RBFOX1: variants seen among roughly 807,000 people sequenced by gnomAD.
RBFOX1 encodes RNA binding fox-1 homolog 1, also known as RNA binding protein fox-1 homolog 1.
RBFOX1 carries 8 observed loss-of-function variants against 57.7 expected under a neutral mutation model. That is an observed-to-expected ratio of 0.14 (90% confidence interval 0.08 to 0.25). The LOEUF (loss-of-function observed/expected upper bound fraction) is 0.25, where lower values mean the gene tolerates loss of function less well. Among genes scored for constraint, RBFOX1 ranks in the 10% least tolerant of loss-of-function variants. The pLI, the probability that RBFOX1 is intolerant of heterozygous loss-of-function variation, is 1.00. For synonymous variants in RBFOX1, 326 were observed against 222.4 expected, an observed-to-expected ratio of 1.47 and a Z score of -4.15; for missense variants, 611 against 548.5, an observed-to-expected ratio of 1.11 and a Z score of -1.14.
chr16:6,042,189 C>T (rs946514187), intron 1 of RBFOX1, among the ~76,000 whole-genome samples: 17 of 152,040 alleles, frequency 1.1e-4, no homozygotes, highest in Non-Finnish European at 1.0e-4. Context: ...CAACTTCTGC[C>T]TCCCAAGTTC....
intron 3 of RBFOX1, among the ~76,000 whole-genome samples, chr16:6,880,321 A>G (rs2062678876): frequency 6.6e-6 from 1 of 152,216 alleles, no homozygotes; most frequent in South Asian, 2.1e-4. Flanking sequence ...CCAGAGAGAC[A>G]GCCTCTGTTG....
intron 3 of RBFOX1, among the ~76,000 whole-genome samples, chr16:6,857,001 G>C (rs2058034543): frequency 6.6e-6 from 1 of 152,170 alleles, no homozygotes; most frequent in South Asian, 2.1e-4. Flanking sequence ...ATAAATATTA[G>C]ACATGCTTTG....
At chr16:6,631,473 G>C (rs888608236) in intron 2 of RBFOX1, among the ~76,000 whole-genome samples, 7 of 151,926 alleles carry the variant, frequency 4.6e-5, no homozygotes, top group East Asian at 1.9e-4. Context: ...TGTGTAAAAA[G>C]CAGACATCAC....
rs114900995 is a variant in RBFOX1, at chr16:6,828,515, G to A, written c.-16+173865G>A. On this transcript the variant is annotated intron_variant, in intron 3 of 15. Transcript: ENST00000550418. ...CTCCAGCCTGGCAACAGAGCGAGACGTGTCTTTAAAAAAAAAAAAAATCAG... is the reference window on the plus strand; with the variant it reads ...CTCCAGCCTGGCAACAGAGCGAGACATGTCTTTAAAAAAAAAAAAAATCAG... 5.1e-3 allele frequency among the ~76,000 whole-genome samples: 766 copies of A among 151,038 alleles called. 8 individuals carry two copies. The highest frequency in any genetic ancestry group is 0.018 in the African/African-American group (718 of 40,988).
chr16:6,148,733 C>T (rs918497674), intron 1 of RBFOX1, among the ~76,000 whole-genome samples: 2 of 152,154 alleles, frequency 1.3e-5, no homozygotes, highest in African/African-American at 4.8e-5. Flanking sequence ...AGTTCATTTG[C>T]CATACTTCGC....
chr16:6,726,403 T>G (rs2067193817), intron 3 of RBFOX1, among the ~76,000 whole-genome samples: 1 of 151,890 alleles, frequency 6.6e-6, no homozygotes, highest in African/African-American at 2.4e-5. Context: ...TTTTCTTTTT[T>G]TTTTTTTAAC....
chr16:7,002,276 C>G (rs994243821), intron 3 of RBFOX1, among the ~76,000 whole-genome samples: 5 of 152,186 alleles, frequency 3.3e-5, no homozygotes, highest in African/African-American at 4.8e-5. Context: ...TACTTTGGAA[C>G]TTTGCAAGCA....
At chr16:6,957,041 T>G (rs1248628313) in intron 3 of RBFOX1, among the ~76,000 whole-genome samples, 2 of 150,736 alleles carry the variant, frequency 1.3e-5, no homozygotes, top group African/African-American at 5.0e-5. Context: ...ATAGGCATAT[T>G]CCATCGGCAG....
At chr16:7,455,528 A>G (rs2058321891) in intron 4 of RBFOX1, among the ~76,000 whole-genome samples, 1 of 152,110 alleles carries the variant, frequency 6.6e-6, no homozygotes, top group South Asian at 2.1e-4. Flanking sequence ...ACCGTGGCTC[A>G]TGCCTGTAAT....
chr16:6,158,189 T>C (rs1319453749), intron 1 of RBFOX1, among the ~76,000 whole-genome samples: 1 of 152,190 alleles, frequency 6.6e-6, no homozygotes, highest in East Asian at 1.9e-4. Flanking sequence ...ACAATGCTGG[T>C]CTGAAGAATG....
At chr16:7,265,724 T>G (rs1288275647) in intron 4 of RBFOX1, among the ~76,000 whole-genome samples, 1 of 152,114 alleles carries the variant, frequency 6.6e-6, no homozygotes, top group Admixed American at 6.5e-5. Flanking sequence ...GCTGGGATTA[T>G]AGGCGTGAGC....
intron 1 of RBFOX1, among the ~76,000 whole-genome samples, chr16:6,090,419 T>C (rs190851034): frequency 1.6e-4 from 24 of 152,316 alleles, no homozygotes; most frequent in South Asian, 6.2e-4. Context: ...CTTCTGAGTG[T>C]AGCAGCAAGC....
chr16:7,594,562 T>C (rs1453949310), intron 7 of RBFOX1, among the ~76,000 whole-genome samples: 3 of 152,198 alleles, frequency 2.0e-5, no homozygotes, highest in African/African-American at 7.2e-5. Context: ...ATTTTGACAA[T>C]ATAGTTTAGT....
intron 4 of RBFOX1, among the ~76,000 whole-genome samples, chr16:7,145,544 C>T (rs1004869188): frequency 6.6e-6 from 1 of 151,942 alleles, no homozygotes; most frequent in African/African-American, 2.4e-5. Context: ...TTTTCTTGCA[C>T]TTAAAGCAAG....
intron 3 of RBFOX1, among the ~76,000 whole-genome samples, chr16:5,652,194 C>T (rs1271806328): frequency 6.6e-6 from 1 of 152,142 alleles, no homozygotes. Context: ...GTTAACATAT[C>T]CTGAGAGATT....
rs144026635 is a variant in RBFOX1, at chr16:6,727,020, G to C, written c.-16+72370G>C. Reference sequence around the variant, plus strand: ...AGAGAAATAATGACATACGATGAGAGCGCCTCATGACCTTCAGGTATTTGG... The same window carrying C: ...AGAGAAATAATGACATACGATGAGACCGCCTCATGACCTTCAGGTATTTGG... On this transcript the variant is annotated intron_variant, in intron 3 of 15. Transcript: ENST00000550418. 1.4e-4 allele frequency among the ~76,000 whole-genome samples: 17 copies of C among 123,754 alleles called. No individual in the cohort carries two copies. The East Asian group carries it at 4.1e-3, about 30-fold the overall frequency. The allele number at this position is 123,754 out of a possible 152,430, so 81.2% of individuals were successfully genotyped here.
In RBFOX1 at chr16:5,772,673, A is replaced by G. The variant is rs148026305; in HGVS notation, c.319-94630A>G. ...AGAAACAGGCAGCTAGAGGGGAGAT[A>G]AGGAGAAACGATAGTTTGGACCAAG... On this transcript the variant is annotated intron_variant, in intron 3 of 19. Coordinates refer to the RBFOX1 transcript ENST00000641259. 7.9e-5 allele frequency among the ~76,000 whole-genome samples: 12 copies of G among 152,298 alleles called. No homozygotes were observed. In the East Asian group the frequency reaches 2.3e-3, roughly 29 times the overall value.
intron 1 of RBFOX1, among the ~76,000 whole-genome samples, chr16:6,101,048 C>T (rs1246049368): frequency 1.3e-5 from 2 of 152,168 alleles, no homozygotes; most frequent in African/African-American, 4.8e-5. Context: ...ACCCCAAGTC[C>T]ACCACTAGCT....
chr16:7,194,841 T>C (rs1474836193), intron 4 of RBFOX1, among the ~76,000 whole-genome samples: 2 of 151,592 alleles, frequency 1.3e-5, no homozygotes, highest in Admixed American at 6.6e-5. Flanking sequence ...GGTGGGAGGA[T>C]TGCTTAAGCC....
Sources: allele counts gnomAD v4.1 joint callset (sites outside exome capture counted in the v4.1 genomes callset), GRCh38; gene constraint gnomAD v4.1.1; transcripts MANE v1.5; gene names NCBI Gene and HGNC (gene_info 2026-07-23, HGNC 2026-07-21).